The following MCTP1 variants were observed in gnomAD, a reference collection of about 807,000 sequenced individuals.
MCTP1 encodes multiple C2 and transmembrane domain containing 1, also known as multiple C2 and transmembrane domain-containing protein 1.
Under a neutral mutation model 120.6 loss-of-function variants are expected in MCTP1, and 69 were observed. The observed-to-expected ratio is 0.57, with a 90% CI of 0.47 to 0.70. The LOEUF is 0.70. Ranked by LOEUF, MCTP1 falls within the 30% of genes least tolerant of loss-of-function variation. The probability of loss-of-function intolerance (pLI) is 0.00; values close to 1 mark genes in which losing one functional copy is unlikely to be tolerated. For missense variants in MCTP1, 1,203 were observed against 1,248.8 expected (o/e 0.96, Z 0.55); for synonymous variants, 529 against 493.1 (o/e 1.07, Z -0.96).
chr5:94,918,110 C>T (rs777787724), intron 7 of MCTP1, 137 bp from the exon 8 acceptor site: 57 of 633,596 alleles, frequency 9.0e-5, no homozygotes, highest in Non-Finnish European at 1.5e-4. Context: ...AAGTCACTGT[C>T]AGAAAATGTC....
At chr5:95,043,952 C>G (rs1205629240) in intron 1 of MCTP1, among the ~76,000 whole-genome samples, 3 of 152,176 alleles carry the variant, frequency 2.0e-5, no homozygotes, top group African/African-American at 7.2e-5. Context: ...CACACACCAG[C>G]TTTTCATGGA....
chr5:94,843,723 G>C (rs1791647171), intron 17 of MCTP1, among the ~76,000 whole-genome samples: 1 of 152,126 alleles, frequency 6.6e-6, no homozygotes, highest in Non-Finnish European at 1.5e-5. Context: ...TAAAGCTAAA[G>C]ACACAAAAGT....
chr5:94,917,255 G>A (rs925599115), intron 8 of MCTP1, among the ~76,000 whole-genome samples: 4 of 152,040 alleles, frequency 2.6e-5, no homozygotes, highest in East Asian at 3.9e-4. Context: ...TGCATATTGC[G>A]GCTGGTACTT....
intron 8 of MCTP1, among the ~76,000 whole-genome samples, chr5:94,915,738 T>G (rs1470611138): frequency 6.6e-6 from 1 of 152,030 alleles, no homozygotes; most frequent in Non-Finnish European, 1.5e-5. Flanking sequence ...AAAGCCATTT[T>G]CACCCTGTAA....
chr5:95,141,799 G>C (rs1042342303), intron 1 of MCTP1, among the ~76,000 whole-genome samples: 1 of 151,810 alleles, frequency 6.6e-6, no homozygotes, highest in African/African-American at 2.4e-5. Context: ...AATATGTTTA[G>C]AGCAGGATTT....
At chr5:94,894,531 C>T (rs1022972100) in intron 11 of MCTP1, 118 bp downstream of exon 11, 6 of 704,496 alleles carry the variant, frequency 8.5e-6, no homozygotes, top group African/African-American at 3.5e-5. Flanking sequence ...CAGCTTTTTA[C>T]TTGTGCCAAT....
chr5:95,182,887 A>G (rs1582464187), intron 1 of MCTP1, among the ~76,000 whole-genome samples: 1 of 152,022 alleles, frequency 6.6e-6, no homozygotes, highest in African/African-American at 2.4e-5. Flanking sequence ...TTAGCCGGAC[A>G]TGGTGGCGGG....
intron 17 of MCTP1, among the ~76,000 whole-genome samples, chr5:94,831,223 G>A (rs1169777486): frequency 6.6e-6 from 1 of 152,152 alleles, no homozygotes; most frequent in Non-Finnish European, 1.5e-5. Flanking sequence ...AAATTTCTAG[G>A]TGCTCAGACT....
intron 17 of MCTP1, chr5:94,826,336 G>A (rs1192023979): frequency 1.3e-5 from 7 of 551,330 alleles, no homozygotes; most frequent in Admixed American, 9.4e-5. Flanking sequence ...CTTCACAAAG[G>A]TTCCACTGAG....
intron 11 of MCTP1, among the ~76,000 whole-genome samples, chr5:94,889,765 C>CACAA (rs1386526271): frequency 6.6e-6 from 1 of 151,602 alleles, no homozygotes; most frequent in Non-Finnish European, 1.5e-5. Flanking sequence ...CACACACACA[C>CACAA]ACACACACAC....
chr5:95,241,410 T>A (rs920988381), intron 1 of MCTP1, among the ~76,000 whole-genome samples: 2 of 152,168 alleles, frequency 1.3e-5, no homozygotes, highest in Non-Finnish European at 2.9e-5. Flanking sequence ...CATAGGAAGA[T>A]AACTGTACAA....
rs986763502 is a variant in MCTP1, at chr5:94,703,918, T to A, written c.*3578A>T. 1 of 151,290 alleles carries A rather than the reference T, an allele frequency of 6.6e-6. No homozygotes were observed. Among genetic ancestry groups the A allele is most frequent in the Non-Finnish European group, 1.5e-5 (1 of 67,630 alleles). 9.4% of individuals were successfully genotyped at this position (151,290 alleles called of 1,614,324 possible). ...AGCCATTCAGCTGAAGTAAATCTTA[T>A]GTGACTGCCTCTATTCAAATTGCCA... On this transcript the variant is annotated 3_prime_UTR_variant, in exon 23 of 23. Coordinates refer to ENST00000515393, the MANE Select transcript of MCTP1 (RefSeq NM_024717.7).
intron 18 of MCTP1, among the ~76,000 whole-genome samples, chr5:94,797,621 C>T (rs1336987355): frequency 6.6e-6 from 1 of 152,122 alleles, no homozygotes; most frequent in African/African-American, 2.4e-5. Flanking sequence ...TCTATTGGTG[C>T]TGCCTAACCA....
intron 19 of MCTP1, among the ~76,000 whole-genome samples, chr5:94,767,034 C>T (rs1475963531): frequency 6.6e-6 from 1 of 152,118 alleles, no homozygotes; most frequent in African/African-American, 2.4e-5. Context: ...AAAATACTAG[C>T]CAACTAAATC....
At chr5:95,250,485 T>C (rs535973172) in intron 1 of MCTP1, among the ~76,000 whole-genome samples, 194 of 152,282 alleles carry the variant, frequency 1.3e-3, no homozygotes, top group Middle Eastern at 6.8e-3. Context: ...TCACAGTTTT[T>C]GACAGAGGAG....
At chr5:94,974,150 C>T (rs1411206312) in intron 2 of MCTP1, among the ~76,000 whole-genome samples, 2 of 152,086 alleles carry the variant, frequency 1.3e-5, no homozygotes, top group East Asian at 3.9e-4. Flanking sequence ...TAAAGAACTA[C>T]AAACATATTA....
In MCTP1 at chr5:95,067,113, G is replaced by C. The variant is rs78362730; in HGVS notation, c.721-49629C>G. Among the ~76,000 whole-genome samples the C allele has an allele frequency of 5.1e-4, 77 of 150,400 alleles. No homozygotes were observed. In the East Asian group the frequency reaches 0.014, roughly 28 times the overall value. ...GACTCTTGAAGTAGAGAGGAGAATA[G>C]TGGTTACCAGATGCTGGGGAGGGGT... On this transcript the variant is annotated intron_variant, in intron 1 of 22. Coordinates refer to ENST00000515393, the MANE Select transcript of MCTP1 (RefSeq NM_024717.7).
chr5:95,165,943 TC>T (rs1195890977), intron 1 of MCTP1, among the ~76,000 whole-genome samples: 4 of 152,140 alleles, frequency 2.6e-5, no homozygotes, highest in Non-Finnish European at 5.9e-5. Context: ...TAATATTCCT[TC>T]CCTTTGTAGC....
At chr5:94,974,307 G>A (rs1827568152) in intron 2 of MCTP1, among the ~76,000 whole-genome samples, 1 of 152,102 alleles carries the variant, frequency 6.6e-6, no homozygotes, top group African/African-American at 2.4e-5. Context: ...AATGCTTTGG[G>A]AGGCCACGGT....
Sources: gnomAD v4.1 joint callset for allele counts (sites outside exome capture counted in the v4.1 genomes callset) on GRCh38, gnomAD v4.1.1 for gene constraint, MANE v1.5 for transcripts, NCBI Gene and HGNC (gene_info 2026-07-23, HGNC 2026-07-21) for gene names.